PLPPR1: variants seen among roughly 807,000 people sequenced by gnomAD.
The protein encoded by PLPPR1 is phospholipid phosphatase-related protein type 1.
A neutral mutation model predicts 33.1 loss-of-function variants in PLPPR1; 10 were observed. That is an observed-to-expected ratio of 0.30 (90% confidence interval 0.19 to 0.51). PLPPR1 has a LOEUF of 0.51. Among genes scored for constraint, PLPPR1 ranks in the 20% least tolerant of loss-of-function variants. PLPPR1 has a pLI of 0.97. For missense variants in PLPPR1, 304 were observed against 408.1 expected, an observed-to-expected ratio of 0.74 and a Z score of 2.20; for synonymous variants, 151 against 151.0, an observed-to-expected ratio of 1.00 and a Z score of 0.00.
intron 1 of PLPPR1, among the ~76,000 whole-genome samples, chr9:101,079,495 G>A (rs1830590478): frequency 6.6e-6 from 1 of 151,582 alleles, no homozygotes; most frequent in Non-Finnish European, 1.5e-5. Context: ...AATAATAATA[G>A]TTGGGCATGT....
intron 1 of PLPPR1, among the ~76,000 whole-genome samples, chr9:101,080,332 G>A (rs1266248788): frequency 6.6e-6 from 1 of 151,932 alleles, no homozygotes; most frequent in Non-Finnish European, 1.5e-5. Context: ...AGACCAGCCC[G>A]GCTGACATGC....
intron 1 of PLPPR1, among the ~76,000 whole-genome samples, chr9:101,181,608 A>ATGTGTGTGTGTG (rs374750617): frequency 7.7e-6 from 1 of 129,714 alleles, no homozygotes; most frequent in African/African-American, 2.7e-5. Flanking sequence ...GGGTATATGT[A>ATGTGTGTGTGTG]TGTGTGTGTG....
intron 2 of PLPPR1, among the ~76,000 whole-genome samples, chr9:101,265,726 G>A (rs896222779): frequency 2.0e-5 from 3 of 152,102 alleles, no homozygotes; most frequent in African/African-American, 7.2e-5. Context: ...GCCGGGTACG[G>A]TGGCTCAAGC....
intron 2 of PLPPR1, among the ~76,000 whole-genome samples, chr9:101,223,164 A>G (rs1359479081): frequency 4.4e-5 from 6 of 135,264 alleles, no homozygotes; most frequent in Admixed American, 1.5e-4. Context: ...AAAAAAAAAA[A>G]AAAAAAAAGA....
intron 1 of PLPPR1, among the ~76,000 whole-genome samples, chr9:101,064,956 C>T (rs1211960611): frequency 6.6e-6 from 1 of 152,010 alleles, no homozygotes; most frequent in Non-Finnish European, 1.5e-5. Context: ...GAGGGCTCTG[C>T]CTTTGAGACC....
chr9:101,301,852 GA>G (rs1343468703), intron 4 of PLPPR1, among the ~76,000 whole-genome samples: 1 of 152,168 alleles, frequency 6.6e-6, no homozygotes, highest in African/African-American at 2.4e-5. Flanking sequence ...CTACAAAATT[GA>G]AGAATTCGTA....
intron 2 of PLPPR1, among the ~76,000 whole-genome samples, chr9:101,238,806 G>A (rs969560950): frequency 3.3e-5 from 5 of 151,762 alleles, no homozygotes; most frequent in African/African-American, 1.2e-4. Flanking sequence ...ATTATTGTTA[G>A]CCATACTTAT....
At chr9:101,116,504 G>T (rs1390146280) in intron 1 of PLPPR1, among the ~76,000 whole-genome samples, 1 of 152,114 alleles carries the variant, frequency 6.6e-6, no homozygotes, top group Non-Finnish European at 1.5e-5. Context: ...TATTGCTGTT[G>T]TACTCTTTGT....
intron 2 of PLPPR1, among the ~76,000 whole-genome samples, chr9:101,188,857 T>C (rs1009745588): frequency 7.9e-5 from 12 of 152,154 alleles, no homozygotes; most frequent in Non-Finnish European, 1.5e-4. Flanking sequence ...AGCTCTTATA[T>C]GTCATCCTTC....
At position 101,168,507 on chromosome 9, in the gene PLPPR1, T is replaced by C. The variant is rs185813652; in HGVS notation, c.-45-16943T>C. On this transcript the variant is annotated intron_variant, in intron 1 of 7. Coordinates refer to ENST00000374874, the MANE Select transcript of PLPPR1 (RefSeq NM_207299.2). ...GCTCAACTATCATCCATGGAAAAAT[T>C]CTACTTCCTATGAATTCTCATTCTC... Among the ~76,000 whole-genome samples, 11 of 152,250 alleles carry C rather than the reference T, an allele frequency of 7.2e-5. No homozygotes were observed. In the East Asian group the frequency reaches 1.9e-3, roughly 27 times the overall value.
chr9:101,223,364 C>T (rs752474858), intron 2 of PLPPR1, among the ~76,000 whole-genome samples: 3 of 150,856 alleles, frequency 2.0e-5, no homozygotes, highest in African/African-American at 7.3e-5. Context: ...TTGGGGAAAT[C>T]GTGCTATATT....
At chr9:101,318,326 C>T (rs895416770) in intron 7 of PLPPR1, among the ~76,000 whole-genome samples, 9 of 152,178 alleles carry the variant, frequency 5.9e-5, no homozygotes, top group South Asian at 2.1e-4. Flanking sequence ...GCCAGGAAGA[C>T]GACTTGCCAA....
chr9:101,069,986 C>T (rs1376313671), intron 1 of PLPPR1, among the ~76,000 whole-genome samples: 3 of 152,034 alleles, frequency 2.0e-5, no homozygotes, highest in Non-Finnish European at 4.4e-5. Context: ...CTACCCATAT[C>T]GTATCAAGAG....
intron 1 of PLPPR1, among the ~76,000 whole-genome samples, chr9:101,168,328 T>C (rs1038249683): frequency 1.3e-5 from 2 of 152,168 alleles, no homozygotes; most frequent in South Asian, 2.1e-4. Context: ...TGGTGTCTTT[T>C]ATGTGCTGGC....
At chr9:101,151,975 T>C (rs561680067) in intron 1 of PLPPR1, among the ~76,000 whole-genome samples, 12 of 152,330 alleles carry the variant, frequency 7.9e-5, no homozygotes, top group African/African-American at 2.9e-4. Flanking sequence ...ATCGCCACAC[T>C]GTCTTCCACA....
chr9:101,225,284 AAT>A (rs1452074072), intron 2 of PLPPR1, among the ~76,000 whole-genome samples: 5 of 152,210 alleles, frequency 3.3e-5, no homozygotes, highest in African/African-American at 1.2e-4. Context: ...TCATTAAGTC[AAT>A]TTCTTTAGAA....
chr9:101,111,067 G>C (rs911571201), intron 1 of PLPPR1, among the ~76,000 whole-genome samples: 3 of 152,042 alleles, frequency 2.0e-5, no homozygotes, highest in Non-Finnish European at 4.4e-5. Context: ...TCATATATTA[G>C]ATGATGACCC....
chr9:101,099,406 T>C (rs940559566), intron 1 of PLPPR1, among the ~76,000 whole-genome samples: 15 of 152,124 alleles, frequency 9.9e-5, no homozygotes, highest in Non-Finnish European at 1.9e-4. Flanking sequence ...TGACATATAT[T>C]GCAAAGTTGA....
At chr9:101,096,301 G>T (rs78117914) in intron 1 of PLPPR1, among the ~76,000 whole-genome samples, 2,064 of 152,272 alleles carry the variant, frequency 0.014, 24 homozygotes, top group Non-Finnish European at 0.021. Context: ...ACAGTGGGAA[G>T]TGGCCAGAAC....
Sources: gnomAD v4.1 joint callset for allele counts (sites outside exome capture counted in the v4.1 genomes callset) on GRCh38, gnomAD v4.1.1 for gene constraint, MANE v1.5 for transcripts, NCBI Gene and HGNC (gene_info 2026-07-23, HGNC 2026-07-21) for gene names.